The following HMCN2 variants were observed in gnomAD, a reference collection of about 807,000 sequenced individuals.
HMCN2 encodes hemicentin-2.
HMCN2 carries 325 observed loss-of-function variants against 377.5 expected under a neutral mutation model. That is an observed-to-expected ratio of 0.86 (90% confidence interval 0.79 to 0.94). The LOEUF is 0.94. Among genes scored for constraint, HMCN2 ranks in the 40% least tolerant of loss-of-function variants. The pLI is 0.00. For missense variants in HMCN2, 4,543 were observed against 4,725.3 expected, an observed-to-expected ratio of 0.96 and a Z score of 1.13; for synonymous variants, 2,007 against 2,046.8, an observed-to-expected ratio of 0.98 and a Z score of 0.53.
intron 15 of HMCN2, among the ~76,000 whole-genome samples, chr9:130,318,018 T>TG (rs1271551291): frequency 2.6e-5 from 4 of 152,016 alleles, no homozygotes; most frequent in Admixed American, 1.3e-4. Flanking sequence ...GCTGCACCCC[T>TG]GGGGGCCAGG....
chr9:130,342,009 C>CT (rs1839076475), intron 24 of HMCN2, among the ~76,000 whole-genome samples: 1 of 73,566 alleles, frequency 1.4e-5, no homozygotes, highest in East Asian at 6.0e-4. Context: ...AACCCCATCT[C>CT]TTAAAATAAA....
Position 130,351,550 on chromosome 9 carries a change from G to T in HMCN2, c.4558G>T (p.Ala1520Ser), listed in dbSNP as rs1368275766. The T allele has an allele frequency of 1.5e-6, 2 of 1,303,864 alleles. No individual in the cohort carries two copies. The highest frequency in any genetic ancestry group is 2.0e-6 in the Non-Finnish European group (2 of 988,648). The allele number at this position is 1,303,864 out of a possible 1,614,324, so 80.8% of individuals were successfully genotyped here. A position where few individuals can be genotyped will look rare whatever the true frequency, so the allele number is the denominator to read the frequency against. ...CVAFSPAGQQ[A>S]RDFQLRVHAP... The stretch of plus-strand genomic sequence containing the variant: ...GGCCTTCAGCCCAGCTGGTCAGCAG[G>T]CCAGGGACTTCCAGCTCCGAGTTCA... Residue 1520 changes from alanine (A) to serine (S), a missense_variant, in exon 30 of 98, where the codon GCC becomes TCC. This residue lies in a region of HMCN2 where 1,032 missense variants were observed against 1,285.1 expected (regional missense o/e 0.80). Coordinates refer to ENST00000683500, the MANE Select transcript of HMCN2 (RefSeq NM_001291815.2). The surrounding 1 kb of genome is among the most constrained non-coding windows in gnomAD (Gnocchi z 5.4).
intron 30 of HMCN2, 127 bp from the exon 31 acceptor site, chr9:130,352,800 T>G (rs1018733465): frequency 8.1e-6 from 6 of 742,584 alleles, no homozygotes; most frequent in Non-Finnish European, 9.3e-6. Context: ...CCACCATGCC[T>G]TCCCTGCCCC....
chr9:130,297,312 G>GC (rs1326935332), intron 7 of HMCN2, among the ~76,000 whole-genome samples: 12 of 152,100 alleles, frequency 7.9e-5, no homozygotes, highest in Non-Finnish European at 1.6e-4. Context: ...GAGCCTGGGG[G>GC]GGATATTGAG....
rs1841802732 is a variant in HMCN2 at position 130,382,809 on chromosome 9, G to T, written c.8676G>T (p.Gly2892=). The T allele has an allele frequency of 2.0e-6, 2 of 985,916 alleles. No homozygotes were observed. Among genetic ancestry groups the T allele is most frequent in the African/African-American group, 1.7e-5 (1 of 57,352 alleles). The allele number at this position is 985,916 out of a possible 1,614,324, so 61.1% of individuals were successfully genotyped here. A position where few individuals can be genotyped will look rare whatever the true frequency, so the allele number is the denominator to read the frequency against. ...CCACCATCTCATGGCTCCAGAATGG[G>T]CTGCCTTTCTCCCCGAGCCCACGGC... ...PVPTISWLQN[G]LPFSPSPRLQ... Residue 2892 remains glycine (G), a synonymous_variant, in exon 56 of 98, where the codon GGG becomes GGT. Transcript: ENST00000683500.
chr9:130,426,062 C>A, intron 90 of HMCN2, 138 bp downstream of exon 90: 1 of 688,188 alleles, frequency 1.5e-6, no homozygotes, highest in African/African-American at 1.8e-5. Flanking sequence ...TGAGACGGCC[C>A]GGCTGGCCTA....
chr9:130,296,876 T>TG (rs1227748805), intron 7 of HMCN2, 82 bp downstream of exon 7: 25 of 440,516 alleles, frequency 5.7e-5, no homozygotes, highest in African/African-American at 4.3e-4. Flanking sequence ...GGGGGAGGTG[T>TG]GGGGGGAATG....
intron 22 of HMCN2, among the ~76,000 whole-genome samples, chr9:130,337,547 C>T (rs2131462513): frequency 6.6e-6 from 1 of 152,238 alleles, no homozygotes; most frequent in East Asian, 1.9e-4. Context: ...CTGGCCCAGA[C>T]ACAGGCCGTC....
intron 4 of HMCN2, among the ~76,000 whole-genome samples, chr9:130,290,483 T>C (rs992183738): frequency 1.3e-5 from 2 of 152,186 alleles, no homozygotes; most frequent in African/African-American, 4.8e-5. Context: ...ACTGGTGCTT[T>C]GCTCAGTGAT....
At chr9:130,398,741 A>T in intron 75 of HMCN2, 34 bp downstream of exon 75, 2 of 1,282,572 alleles carry the variant, frequency 1.6e-6, no homozygotes, top group Non-Finnish European at 2.0e-6. Flanking sequence ...GCTTCCTGAG[A>T]CGCACAGGGC....
intron 85 of HMCN2, among the ~76,000 whole-genome samples, chr9:130,416,500 G>A (rs144323826): frequency 1.3e-5 from 2 of 152,256 alleles, no homozygotes; most frequent in Non-Finnish European, 2.9e-5. Context: ...TATTGTTCAC[G>A]TGGAATTAGT....
At chr9:130,285,972 C>T (rs1554927507) in intron 3 of HMCN2, among the ~76,000 whole-genome samples, 3 of 152,196 alleles carry the variant, frequency 2.0e-5, no homozygotes, top group African/African-American at 7.2e-5. Context: ...TTTTCCTGGC[C>T]CTGTGCTGAG....
In HMCN2 at chr9:130,430,442, AG is replaced by A; in HGVS notation, c.14486del (p.Ser4829ThrfsTer34). On this transcript the variant is annotated frameshift_variant, in exon 95 of 98. Coordinates refer to ENST00000683500, the MANE Select transcript of HMCN2 (RefSeq NM_001291815.2). LOFTEE classifies it high-confidence loss of function. Reference sequence around the variant, plus strand: ...GAATGGACAAAATGTGACCACCGTCAGCCACCGAGGCCCTCTATTGCCCTGG... The same window carrying A: ...GAATGGACAAAATGTGACCACCGTCACCACCGAGGCCCTCTATTGCCCTGG... ...ERNGQNVTTV[S>X]HRGPLLPWLR... 1.9e-6 allele frequency: 3 copies of A among 1,550,578 alleles called. No homozygotes were observed. Among genetic ancestry groups the A allele is most frequent in the Non-Finnish European group, 2.6e-6 (3 of 1,146,988 alleles).
At chr9:130,356,307 G>T in intron 34 of HMCN2, 50 bp downstream of exon 34, 1 of 1,256,946 alleles carries the variant, frequency 8.0e-7, no homozygotes. Context: ...GAGATGCCAG[G>T]GGTGGGTGGA....
rs1051627982 is a variant in HMCN2, at chr9:130,340,560, C to T, written c.3488-551C>T. On this transcript the variant is annotated intron_variant, in intron 23 of 97. Transcript: ENST00000683500. The stretch of plus-strand genomic sequence containing the variant: ...TCTTAGACGGAGCCTCCCTCTGTCA[C>T]ACAGGCTGGAGTGCAGTGGCACAAT... Among the ~76,000 whole-genome samples the T allele has an allele frequency of 4.6e-5, 7 of 150,640 alleles. No homozygotes were observed. In the East Asian group the frequency reaches 1.4e-3, roughly 30 times the overall value.
chr9:130,274,360 C>G (rs1554922285), intron 1 of HMCN2, among the ~76,000 whole-genome samples: 1 of 152,108 alleles, frequency 6.6e-6, no homozygotes, highest in Admixed American at 6.6e-5. Context: ...CTGGCCAATG[C>G]GTTAATTTTC....
rs151197192 is a variant in HMCN2 at position 130,394,979 on chromosome 9, C to T, written c.10693-48C>T. 2.1e-4 allele frequency: 248 copies of T among 1,166,710 alleles called. No homozygotes were observed. Among genetic ancestry groups the T allele is most frequent in the Non-Finnish European group, 2.7e-4 (242 of 890,890 alleles). 72.3% of individuals were successfully genotyped at this position (1,166,710 alleles called of 1,614,324 possible). ...ATGAGAAAGAAACCAGATTGGGAGG[C>T]GGGCAGAGAGGGGCCAGGGGCAGCT... On this transcript the variant is annotated intron_variant, in intron 69 of 97. Transcript: ENST00000683500. This position sits in a 1 kb window ranked among gnomAD's most constrained non-coding sequence, Gnocchi z 5.1.
Position 130,410,636 on chromosome 9 carries a change from G to A in HMCN2, c.12945G>A (p.Val4315=), listed in dbSNP as rs1339407817. The change falls in exon 85 of 98, where the codon GTG becomes GTA. Residue 4315 remains valine, a synonymous_variant. Transcript: ENST00000683500. ...ENEMGVAKKV[V]ILVLQSAPVF... is the part of the protein sequence containing the mutation. ...AGATGGGCGTGGCGAAGAAAGTGGT[G>A]ATCCTCGTCCTGCAGAGTGAGTCTC... is the stretch of plus-strand genomic sequence containing the variant. 6.4e-7 allele frequency: 1 copy of A among 1,550,642 alleles called. No homozygotes were observed. The highest frequency in any genetic ancestry group is 2.0e-5 in the Admixed American group (1 of 51,006).
chr9:130,275,337 T>C (rs1834631911), intron 1 of HMCN2, among the ~76,000 whole-genome samples: 1 of 152,220 alleles, frequency 6.6e-6, no homozygotes, highest in Non-Finnish European at 1.5e-5. Context: ...CAGATGTGTT[T>C]GGGCCACACA....
Sources: gnomAD v4.1 joint callset for allele counts (sites outside exome capture counted in the v4.1 genomes callset) on GRCh38, gnomAD v4.1.1 for gene constraint, gnomAD v4.1.1 regional missense constraint, Gnocchi (gnomAD v3.1) non-coding constraint, MANE v1.5 for transcripts, NCBI Gene and HGNC (gene_info 2026-07-23, HGNC 2026-07-21) for gene names.